Variants in GALNS observed in about 807,000 individuals in gnomAD.
The protein encoded by GALNS is galactosamine (N-acetyl)-6-sulfatase.
A neutral mutation model predicts 65.9 loss-of-function variants in GALNS; 65 were observed. That is an observed-to-expected ratio of 0.99 (90% CI 0.81 to 1.21). The LOEUF (loss-of-function observed/expected upper bound fraction) is 1.21. Ranked by LOEUF, GALNS falls within the 50% of genes most tolerant of loss-of-function variation. GALNS has a pLI of 0.00. For synonymous variants in GALNS, 346 were observed against 288.9 expected (o/e 1.20, Z -2.00); for missense variants, 776 against 700.7 (o/e 1.11, Z -1.21).
At chr16:88,822,479 CA>C in intron 12 of GALNS, 109 bp downstream of exon 12, 2 of 1,436,568 alleles carry the variant, frequency 1.4e-6, no homozygotes, top group South Asian at 2.3e-5. Flanking sequence ...CAGATGCAGG[CA>C]AGGGGAGGCG....
chr16:88,822,545 G>T, intron 12 of GALNS, 44 bp downstream of exon 12: 1 of 1,610,130 alleles, frequency 6.2e-7, no homozygotes, highest in South Asian at 1.1e-5. Context: ...GGGGGAGTCC[G>T]GCTGGCACTG....
In GALNS at chr16:88,837,721, A is replaced by G. The variant is rs1301146300; in HGVS notation, c.467T>C (p.Phe156Ser). ...GTTGGGGGATCCAAACCACTCATCA[A>G]ATCCGTGCTTCAGGGGGTGGAACTG... is the stretch of plus-strand genomic sequence containing the variant. ...RPQFHPLKHGFDEWFGSPNCH... is the reference protein window; with the variant it reads ...RPQFHPLKHGSDEWFGSPNCH... The change falls in exon 5 of 14, where the codon TTT becomes TCT. Residue 156 changes from phenylalanine (F) to serine (S), a missense_variant. Phe to Ser is a radical substitution (Grantham distance 155, BLOSUM62 -2). Coordinates refer to ENST00000268695, the MANE Select transcript of GALNS (RefSeq NM_000512.5). 1 of 1,613,998 alleles carries G rather than the reference A, an allele frequency of 6.2e-7. No individual in the cohort carries two copies. Among genetic ancestry groups the G allele is most frequent in the Non-Finnish European group, 8.5e-7 (1 of 1,180,002 alleles).
At chr16:88,846,001 A>G (rs115673282) in intron 1 of GALNS, among the ~76,000 whole-genome samples, 1,630 of 152,244 alleles carry the variant, frequency 0.011, 25 homozygotes, top group African/African-American at 0.037. Flanking sequence ...ACAAACAAAC[A>G]AAAAAAGATC....
intron 5 of GALNS, 73 bp downstream of exon 5, chr16:88,837,549 C>A (rs1912265867): frequency 2.6e-6 from 4 of 1,519,852 alleles, no homozygotes; most frequent in Non-Finnish European, 3.6e-6. Flanking sequence ...CCCACCAGTG[C>A]TAGAGGCGGG....
chr16:88,827,550 G>C (rs886858923), intron 9 of GALNS, among the ~76,000 whole-genome samples: 30 of 152,218 alleles, frequency 2.0e-4, no homozygotes, highest in Admixed American at 6.5e-5. Flanking sequence ...AGGTTCAAGT[G>C]ATTCTCCTGA....
intron 4 of GALNS, chr16:88,838,005 G>A (rs1047215324): frequency 1.9e-5 from 10 of 526,704 alleles, no homozygotes; most frequent in Middle Eastern, 5.2e-4. Flanking sequence ...CAGGCATGGC[G>A]GCGGCCGGGG....
intron 8 of GALNS, among the ~76,000 whole-genome samples, chr16:88,834,643 C>T (rs200313144): frequency 3.4e-4 from 28 of 82,316 alleles, no homozygotes; most frequent in African/African-American, 7.6e-4. Flanking sequence ...GGCCCCCCCC[C>T]GCGTGGTCTG....
rs773933657 is a variant in GALNS, at chr16:88,856,783, T to C, written c.95A>G (p.Asn32Ser). 15 of 1,540,498 alleles carry C rather than the reference T, an allele frequency of 9.7e-6. No individual in the cohort carries two copies. The highest frequency in any genetic ancestry group is 9.5e-5 in the South Asian group (8 of 84,364). Residue 32 changes from asparagine (N) to serine (S), a missense_variant, in exon 1 of 14, where the codon AAC becomes AGC. Asn to Ser is a conservative substitution (Grantham distance 46, BLOSUM62 1). Transcript: ENST00000268695. ...GTCGTCCATGAGCAGGAGCAGGATG[T>C]TGGGGGGCTGCGGGGCGCCCGAGGC... is the stretch of plus-strand genomic sequence containing the variant. ...MGASGAPQPP[N>S]ILLLLMDDMG...
intron 1 of GALNS, among the ~76,000 whole-genome samples, chr16:88,847,923 G>T (rs1967326270): frequency 6.6e-6 from 1 of 152,348 alleles, no homozygotes; most frequent in African/African-American, 2.4e-5. Context: ...TCGCTCCCTG[G>T]CAGCCAAGCT....
At chr16:88,814,606 G>C (rs1227148994) in intron 13 of GALNS, 81 bp from the exon 14 acceptor site, 2 of 1,544,264 alleles carry the variant, frequency 1.3e-6, no homozygotes, top group African/African-American at 2.7e-5. Context: ...TTTTGTTGTT[G>C]CTGTTCTGAG....
chr16:88,847,041 G>T (rs752004799), intron 1 of GALNS, among the ~76,000 whole-genome samples: 1 of 152,166 alleles, frequency 6.6e-6, no homozygotes, highest in Non-Finnish European at 1.5e-5. Context: ...GCAAGTATCT[G>T]CAGCCCAGCC....
chr16:88,855,275 G>T (rs544977591), intron 1 of GALNS: 56 of 700,186 alleles, frequency 8.0e-5, no homozygotes, highest in Middle Eastern at 6.9e-4. Flanking sequence ...TAACAGGGAG[G>T]CTTCACCTGC....
intron 1 of GALNS, among the ~76,000 whole-genome samples, chr16:88,846,334 C>T (rs527851206): frequency 1.2e-4 from 18 of 152,084 alleles, no homozygotes; most frequent in African/African-American, 2.4e-4. Context: ...CGAAGGTGGC[C>T]GTGTGGCAAT....
intron 1 of GALNS, chr16:88,856,052 C>A (rs949216553): frequency 1.5e-6 from 1 of 647,852 alleles, no homozygotes; most frequent in Admixed American, 2.2e-5. Context: ...GCACGGTGAC[C>A]CATGCCCCAG....
At chr16:88,849,959 C>T (rs1212273002) in intron 1 of GALNS, among the ~76,000 whole-genome samples, 2 of 152,236 alleles carry the variant, frequency 1.3e-5, no homozygotes, top group Non-Finnish European at 2.9e-5. Context: ...GTGCATCCCA[C>T]TGAGGCAGCA....
chr16:88,855,417 A>C, intron 1 of GALNS: 1 of 702,798 alleles, frequency 1.4e-6, no homozygotes, highest in Non-Finnish European at 2.6e-6. Context: ...TTCTGAAGCA[A>C]AGTATCTTTA....
chr16:88,820,952 G>A (rs1290093677), intron 12 of GALNS, among the ~76,000 whole-genome samples: 1 of 152,156 alleles, frequency 6.6e-6, no homozygotes, highest in Non-Finnish European at 1.5e-5. Context: ...TGGGGGGGCT[G>A]TTGGCTCCTC....
chr16:88,835,778 C>T lies in GALNS; in HGVS notation c.705G>A (p.Thr235=), dbSNP rs768242676. The T allele has an allele frequency of 6.8e-6, 11 of 1,614,136 alleles. No individual in the cohort carries two copies. Among genetic ancestry groups the T allele is most frequent in the South Asian group, 5.5e-5 (5 of 91,086 alleles). Residue 235 remains threonine, a synonymous_variant, in exon 7 of 14, where the codon ACG becomes ACA. Coordinates refer to ENST00000268695, the MANE Select transcript of GALNS (RefSeq NM_000512.5). ...PFFLYWAVDA[T]HAPVYASKPF... Reference sequence around the variant, plus strand: ...GTTTGGAGGCATAGACGGGTGCGTGCGTGGCGTCGACAGCCCAGTAGAGGA... The same window carrying T: ...GTTTGGAGGCATAGACGGGTGCGTGTGTGGCGTCGACAGCCCAGTAGAGGA...
intron 10 of GALNS, among the ~76,000 whole-genome samples, chr16:88,825,746 C>T (rs752140326): frequency 6.6e-5 from 10 of 152,058 alleles, no homozygotes; most frequent in Admixed American, 3.9e-4. Flanking sequence ...GTTGGGCCTG[C>T]GAGTCAGGAA....
Sources: gnomAD v4.1 joint callset for allele counts (sites outside exome capture counted in the v4.1 genomes callset) on GRCh38, gnomAD v4.1.1 for gene constraint, MANE v1.5 for transcripts, NCBI Gene and HGNC (gene_info 2026-07-23, HGNC 2026-07-21) for gene names.